The following CADPS2 variants were observed in gnomAD, a reference collection of about 807,000 sequenced individuals.
The protein encoded by CADPS2 is calcium-dependent secretion activator 2.
CADPS2 carries 93 observed loss-of-function variants against 172.5 expected under a neutral mutation model. The ratio of observed to expected loss-of-function variants is 0.54; its 90% CI spans 0.46 to 0.64. CADPS2 has a LOEUF of 0.64. CADPS2 is among the 30% of genes least tolerant of loss of function. The pLI is 0.00. For synonymous variants in CADPS2, 546 were observed against 555.2 expected (o/e 0.98, Z 0.23); for missense variants, 1,420 against 1,565.9 (o/e 0.91, Z 1.57).
At chr7:122,620,282 A>G (rs1030960153) in intron 5 of CADPS2, among the ~76,000 whole-genome samples, 9 of 152,194 alleles carry the variant, frequency 5.9e-5, no homozygotes, top group Admixed American at 6.5e-5. Context: ...GTTACTATTT[A>G]CTCACGGAAT....
At chr7:122,372,687 TTTATG>T (rs1287448705) in intron 25 of CADPS2, among the ~76,000 whole-genome samples, 18 of 152,368 alleles carry the variant, frequency 1.2e-4, no homozygotes, top group Middle Eastern at 3.4e-3. Flanking sequence ...TTTCATCTAC[TTTATG>T]TTGAGTTAAT....
intron 1 of CADPS2, among the ~76,000 whole-genome samples, chr7:122,854,771 T>C (rs1378533604): frequency 1.3e-5 from 2 of 152,198 alleles, no homozygotes. Flanking sequence ...GTGTTTGGTA[T>C]AAAGGAAATG....
At chr7:122,608,707 C>T (rs1469893461) in intron 6 of CADPS2, among the ~76,000 whole-genome samples, 1 of 152,104 alleles carries the variant, frequency 6.6e-6, no homozygotes, top group East Asian at 1.9e-4. Flanking sequence ...TCTTCAAATG[C>T]TTTTAATAAA....
chr7:122,506,448 T>C lies in CADPS2; in HGVS notation c.1542+6801A>G, dbSNP rs888455091. Reference sequence around the variant, plus strand: ...TTTTGATAGGGCACCTAAGTTGCTGTAGTACCACAAGGTATCTGCATCTGG... The same window carrying C: ...TTTTGATAGGGCACCTAAGTTGCTGCAGTACCACAAGGTATCTGCATCTGG... On this transcript the variant is annotated intron_variant, in intron 9 of 29. Transcript: ENST00000449022. 3.9e-5 allele frequency among the ~76,000 whole-genome samples: 6 copies of C among 152,164 alleles called. 1 individual carries two copies. Among genetic ancestry groups the C allele is most frequent in the Admixed American group, 3.3e-4 (5 of 15,262 alleles).
At chr7:122,824,319 A>G (rs978589591) in intron 1 of CADPS2, among the ~76,000 whole-genome samples, 1 of 152,158 alleles carries the variant, frequency 6.6e-6, no homozygotes, top group South Asian at 2.1e-4. Context: ...ATCTCAATAT[A>G]AGGTCCATGC....
intron 6 of CADPS2, among the ~76,000 whole-genome samples, chr7:122,607,169 T>C (rs2073684658): frequency 6.6e-6 from 1 of 152,170 alleles, no homozygotes; most frequent in Non-Finnish European, 1.5e-5. Flanking sequence ...AAGTCCCTTT[T>C]TCCCACTACA....
chr7:122,695,325 T>C (rs1478679110), intron 2 of CADPS2, among the ~76,000 whole-genome samples: 1 of 152,210 alleles, frequency 6.6e-6, no homozygotes, highest in African/African-American at 2.4e-5. Context: ...CTTCTGTAAT[T>C]CACATTATTA....
At chr7:122,389,043 G>A (rs1364959306) in intron 22 of CADPS2, among the ~76,000 whole-genome samples, 1 of 151,992 alleles carries the variant, frequency 6.6e-6, no homozygotes, top group African/African-American at 2.4e-5. Context: ...CATTGTAACT[G>A]TTCTTTACCA....
At chr7:122,445,190 T>A (rs1428987672) in intron 15 of CADPS2, among the ~76,000 whole-genome samples, 4 of 152,162 alleles carry the variant, frequency 2.6e-5, no homozygotes, top group Non-Finnish European at 4.4e-5. Flanking sequence ...CTATGGTAAA[T>A]TCTTTGCATT....
intron 12 of CADPS2, among the ~76,000 whole-genome samples, chr7:122,478,880 G>A (rs1226231367): frequency 6.6e-6 from 1 of 152,016 alleles, no homozygotes; most frequent in East Asian, 1.9e-4. Flanking sequence ...ATAAACACAC[G>A]TGTGCATGTG....
intron 1 of CADPS2, chr7:122,850,357 C>G: frequency 2.6e-6 from 1 of 391,392 alleles, no homozygotes; most frequent in Non-Finnish European, 4.7e-6. Flanking sequence ...GTCAGATCAC[C>G]ACCTAGGGGG....
chr7:122,736,768 C>G (rs960778416), intron 2 of CADPS2, among the ~76,000 whole-genome samples, 187 bp downstream of exon 2: 3 of 152,182 alleles, frequency 2.0e-5, no homozygotes, highest in East Asian at 3.9e-4. Flanking sequence ...GTTTATCTCT[C>G]AAAACCAGGC....
chr7:122,634,110 T>C (rs2076829997), intron 3 of CADPS2, among the ~76,000 whole-genome samples: 1 of 152,176 alleles, frequency 6.6e-6, no homozygotes, highest in South Asian at 2.1e-4. Flanking sequence ...AGTTTGTGAC[T>C]ATATTCATTA....
At chr7:122,728,186 A>T (rs1405116874) in intron 2 of CADPS2, among the ~76,000 whole-genome samples, 1 of 151,934 alleles carries the variant, frequency 6.6e-6, no homozygotes, top group Non-Finnish European at 1.5e-5. Flanking sequence ...TTTAAATGCC[A>T]ATCTTCCCAG....
intron 14 of CADPS2, 62 bp from the exon 15 acceptor site, chr7:122,451,537 T>C: frequency 1.1e-6 from 1 of 893,078 alleles, no homozygotes; most frequent in South Asian, 1.9e-5. Flanking sequence ...ATATATTTTA[T>C]ACATATGTAT....
In CADPS2 at chr7:122,886,174, C is replaced by G. The variant is rs1158141537; in HGVS notation, c.164G>C (p.Arg55Thr). The G allele has an allele frequency of 3.4e-6, 5 of 1,484,804 alleles. No homozygotes were observed. The highest frequency in any genetic ancestry group is 4.4e-6 in the Non-Finnish European group (5 of 1,125,674). 92.0% of individuals were successfully genotyped at this position (1,484,804 alleles called of 1,614,324 possible). A position where few individuals can be genotyped will look rare whatever the true frequency, so the allele number is the denominator to read the frequency against. ...CACAGAGGGGCTCGGGCTCACAGAT[C>G]TGGCCGCGCCGCCGCCGCCCGCGCG... ...PGRAGGGGAA[R>T]SVSPSPSVLS... is the part of the protein sequence containing the mutation. The change falls in exon 1 of 30, where the codon AGA becomes ACA. Residue 55 changes from arginine (R) to threonine (T), a missense_variant. By Grantham distance (71) the Arg-to-Thr change is moderately conservative (BLOSUM62 -1). Coordinates refer to ENST00000449022, the MANE Select transcript of CADPS2 (RefSeq NM_017954.11).
At chr7:122,637,829 G>C (rs1380717186) in intron 3 of CADPS2, among the ~76,000 whole-genome samples, 1 of 152,236 alleles carries the variant, frequency 6.6e-6, no homozygotes, top group Non-Finnish European at 1.5e-5. Context: ...AGTATAGTCA[G>C]TTGGCTCCAT....
At chr7:122,379,246 T>G in intron 25 of CADPS2, 122 bp downstream of exon 25, 1 of 583,904 alleles carries the variant, frequency 1.7e-6, no homozygotes, top group Non-Finnish European at 2.8e-6. Flanking sequence ...AAAATTCTAA[T>G]TTTTTCCTGC....
At chr7:122,627,744 C>T (rs1460757050) in intron 4 of CADPS2, among the ~76,000 whole-genome samples, 1 of 152,204 alleles carries the variant, frequency 6.6e-6, no homozygotes, top group Non-Finnish European at 1.5e-5. Flanking sequence ...ATGCTGAACA[C>T]AGATCCACTG....
Sources: gnomAD v4.1 joint callset for allele counts (sites outside exome capture counted in the v4.1 genomes callset) on GRCh38, gnomAD v4.1.1 for gene constraint, MANE v1.5 for transcripts, NCBI Gene and HGNC (gene_info 2026-07-23, HGNC 2026-07-21) for gene names.